The following SLC35F1 variants were observed in gnomAD, a reference collection of about 807,000 sequenced individuals.
SLC35F1 encodes the protein solute carrier family 35 member F1.
A neutral mutation model predicts 48.7 loss-of-function variants in SLC35F1; 14 were observed. That is an observed-to-expected ratio of 0.29 (90% CI 0.19 to 0.45). SLC35F1 has a LOEUF of 0.45. Ranked by LOEUF, SLC35F1 falls within the 20% of genes least tolerant of loss-of-function variation. The pLI is 1.00. For missense variants in SLC35F1, 404 were observed against 500.0 expected (o/e 0.81, Z 1.83); for synonymous variants, 190 against 202.2 (o/e 0.94, Z 0.51).
intron 1 of SLC35F1, among the ~76,000 whole-genome samples, chr6:117,992,061 A>T (rs1264393966): frequency 3.9e-5 from 6 of 152,058 alleles, no homozygotes; most frequent in African/African-American, 7.2e-5. Context: ...TAAGCTTATT[A>T]ATATATTCTT....
chr6:118,013,001 T>C (rs1777270728), intron 1 of SLC35F1, among the ~76,000 whole-genome samples: 1 of 152,136 alleles, frequency 6.6e-6, no homozygotes, highest in Non-Finnish European at 1.5e-5. Context: ...GTTGGGTTCT[T>C]ATTCCCCCCT....
chr6:118,043,346 TG>T (rs1772254272), intron 1 of SLC35F1, among the ~76,000 whole-genome samples: 2 of 6,980 alleles, frequency 2.9e-4, no homozygotes, highest in South Asian at 0.11. Context: ...ACCTTTATTC[TG>T]GAGTTAGAAT....
intron 3 of SLC35F1, among the ~76,000 whole-genome samples, chr6:118,242,317 G>A (rs550325101): frequency 6.6e-6 from 1 of 152,282 alleles, no homozygotes; most frequent in East Asian, 1.9e-4. Context: ...TTACAGAATG[G>A]CTAGTAATGT....
intron 1 of SLC35F1, among the ~76,000 whole-genome samples, chr6:117,990,204 A>G (rs889070663): frequency 3.3e-5 from 5 of 152,128 alleles, no homozygotes; most frequent in African/African-American, 1.2e-4. Context: ...GTACTTCTGA[A>G]TTTTACTGCA....
chr6:118,229,503 T>A (rs888462930), intron 2 of SLC35F1, among the ~76,000 whole-genome samples: 1 of 152,116 alleles, frequency 6.6e-6, no homozygotes, highest in African/African-American at 2.4e-5. Flanking sequence ...TCAGGAAAGA[T>A]CCGTTAATGA....
chr6:117,970,058 C>T (rs530771553), intron 1 of SLC35F1, among the ~76,000 whole-genome samples: 2 of 152,244 alleles, frequency 1.3e-5, no homozygotes, highest in East Asian at 1.9e-4. Flanking sequence ...TTAGGAAGTT[C>T]GTACATTTTT....
intron 6 of SLC35F1, among the ~76,000 whole-genome samples, chr6:118,278,562 G>C (rs981280004): frequency 1.3e-5 from 2 of 152,132 alleles, no homozygotes; most frequent in African/African-American, 4.8e-5. Flanking sequence ...CTCTCCCTAG[G>C]GTTTCTCTCT....
At chr6:118,004,635 C>T (rs1476926370) in intron 1 of SLC35F1, among the ~76,000 whole-genome samples, 1 of 152,168 alleles carries the variant, frequency 6.6e-6, no homozygotes, top group Non-Finnish European at 1.5e-5. Context: ...GATCATAGCT[C>T]ACTGCAGCCT....
chr6:118,001,940 G>A (rs1192170760), intron 1 of SLC35F1, among the ~76,000 whole-genome samples: 2 of 149,362 alleles, frequency 1.3e-5, no homozygotes, highest in Admixed American at 6.7e-5. Flanking sequence ...TCATTAAAAA[G>A]TCAGGAAACA....
At chr6:118,043,230 A>G (rs543501767) in intron 1 of SLC35F1, among the ~76,000 whole-genome samples, 78 of 152,178 alleles carry the variant, frequency 5.1e-4, no homozygotes, top group Non-Finnish European at 1.0e-3. Context: ...TCACTTTAAC[A>G]TTGATGATTC....
At chr6:118,310,070 G>A (rs747940872) in intron 7 of SLC35F1, among the ~76,000 whole-genome samples, 12 of 152,220 alleles carry the variant, frequency 7.9e-5, no homozygotes, top group Non-Finnish European at 1.8e-4. Flanking sequence ...TCCTTTCTCA[G>A]ATTCTTAGAG....
At chr6:118,180,328 A>G (rs1336162667) in intron 2 of SLC35F1, among the ~76,000 whole-genome samples, 1 of 152,144 alleles carries the variant, frequency 6.6e-6, no homozygotes, top group Non-Finnish European at 1.5e-5. Context: ...CTAATTTTTT[A>G]ACATTTTAAA....
At chr6:118,135,128 A>G (rs1773774966) in intron 1 of SLC35F1, among the ~76,000 whole-genome samples, 1 of 152,170 alleles carries the variant, frequency 6.6e-6, no homozygotes, top group South Asian at 2.1e-4. Context: ...CCTGCTAGGC[A>G]TTTTGTAAAG....
chr6:118,246,131 T>G (rs533794897), intron 3 of SLC35F1, among the ~76,000 whole-genome samples: 23 of 152,292 alleles, frequency 1.5e-4, no homozygotes, highest in African/African-American at 5.3e-4. Flanking sequence ...TGGAAGAAAC[T>G]CTGATATGGT....
chr6:118,185,437 A>C (rs769749098), intron 2 of SLC35F1, among the ~76,000 whole-genome samples: 4 of 152,182 alleles, frequency 2.6e-5, no homozygotes, highest in Non-Finnish European at 2.9e-5. Context: ...AAGGGTAGGA[A>C]TAGAGAAAAA....
In SLC35F1 at chr6:117,907,577, G is replaced by A. The variant is rs1775704341; in HGVS notation, c.-150G>A. The A allele has an allele frequency of 2.5e-6, 1 of 398,840 alleles. No individual in the cohort carries two copies. The highest frequency in any genetic ancestry group is 4.3e-6 in the Non-Finnish European group (1 of 230,120). 24.7% of individuals were successfully genotyped at this position (398,840 alleles called of 1,614,324 possible). A position where few individuals can be genotyped will look rare whatever the true frequency, so the allele number is the denominator to read the frequency against. On this transcript the variant is annotated 5_prime_UTR_variant, in exon 1 of 8. Transcript: ENST00000360388. The stretch of plus-strand genomic sequence containing the variant: ...CTGGGCGGCGGCGGCCGTAGCCGCG[G>A]GTGCCTCCCCGCCTCACCGCTTCGC...
chr6:118,119,763 G>T (rs751606009), intron 1 of SLC35F1, among the ~76,000 whole-genome samples: 1 of 151,954 alleles, frequency 6.6e-6, no homozygotes, highest in Non-Finnish European at 1.5e-5. Context: ...TAACACATTT[G>T]GTACTTCTTA....
At chr6:118,018,930 G>A (rs968373511) in intron 1 of SLC35F1, among the ~76,000 whole-genome samples, 6 of 152,100 alleles carry the variant, frequency 3.9e-5, no homozygotes, top group African/African-American at 1.2e-4. Flanking sequence ...TTTGCTTTGT[G>A]GCAATAGTGC....
intron 1 of SLC35F1, among the ~76,000 whole-genome samples, chr6:118,020,467 A>T (rs997729347): frequency 1.3e-5 from 2 of 152,202 alleles, no homozygotes; most frequent in Non-Finnish European, 2.9e-5. Flanking sequence ...GTTATAGATT[A>T]TCTGAATGGG....
Sources: gnomAD v4.1 joint callset for allele counts (sites outside exome capture counted in the v4.1 genomes callset) on GRCh38, gnomAD v4.1.1 for gene constraint, MANE v1.5 for transcripts, NCBI Gene and HGNC (gene_info 2026-07-23, HGNC 2026-07-21) for gene names.